Variants in APBA2 observed in about 807,000 individuals in gnomAD.
APBA2 encodes the protein amyloid beta precursor protein binding family A member 2, also known as amyloid-beta A4 precursor protein-binding family A member 2.
Under a neutral mutation model 75.0 loss-of-function variants are expected in APBA2, and 30 were observed. The observed-to-expected ratio is 0.40, with a 90% CI of 0.30 to 0.54. The LOEUF (loss-of-function observed/expected upper bound fraction) is 0.54, where lower values mean the gene tolerates loss of function less well. Among genes scored for constraint, APBA2 ranks in the 20% least tolerant of loss-of-function variants. The pLI, the probability that APBA2 is intolerant of heterozygous loss-of-function variation, is 0.49. For synonymous variants in APBA2, 444 were observed against 409.6 expected (o/e 1.08, Z -1.01); for missense variants, 801 against 1,016.1 (o/e 0.79, Z 2.88).
intron 3 of APBA2, among the ~76,000 whole-genome samples, chr15:29,033,537 G>T (rs1192196567): frequency 6.6e-6 from 1 of 152,052 alleles, no homozygotes; most frequent in African/African-American, 2.4e-5. Flanking sequence ...TTACCAGCTG[G>T]TCAGGGGTTC....
intron 1 of APBA2, among the ~76,000 whole-genome samples, chr15:28,920,191 C>T (rs574750606): frequency 1.3e-5 from 2 of 152,246 alleles, no homozygotes; most frequent in South Asian, 2.1e-4. Flanking sequence ...GTGTGATTTC[C>T]CCTAGAATTC....
At chr15:29,081,220 TA>T (rs1450180716) in intron 6 of APBA2, among the ~76,000 whole-genome samples, 3 of 152,140 alleles carry the variant, frequency 2.0e-5, no homozygotes, top group Non-Finnish European at 4.4e-5. Flanking sequence ...ATAAGACTCT[TA>T]AAGTGAAGAC....
chr15:29,042,684 C>A (rs1447439128), intron 3 of APBA2, among the ~76,000 whole-genome samples: 1 of 152,154 alleles, frequency 6.6e-6, no homozygotes, highest in Non-Finnish European at 1.5e-5. Flanking sequence ...CTACACAGTA[C>A]TGTATGCACT....
At chr15:28,967,796 C>T (rs903045942) in intron 2 of APBA2, among the ~76,000 whole-genome samples, 11 of 152,148 alleles carry the variant, frequency 7.2e-5, no homozygotes, top group Admixed American at 6.5e-4. Flanking sequence ...GCAAGAGATA[C>T]ATACAAATGT....
intron 3 of APBA2, among the ~76,000 whole-genome samples, chr15:29,035,936 C>T (rs2040724898): frequency 6.6e-6 from 1 of 151,928 alleles, no homozygotes. Context: ...CCAGCTGTCA[C>T]CCCGGAGCGC....
intron 1 of APBA2, among the ~76,000 whole-genome samples, chr15:28,901,822 T>C (rs2032871801): frequency 6.6e-6 from 1 of 151,948 alleles, no homozygotes; most frequent in South Asian, 2.1e-4. Context: ...TTCCAGTGTT[T>C]GCAGTGCCGA....
chr15:29,071,301 G>A (rs571558569), intron 4 of APBA2, among the ~76,000 whole-genome samples: 2 of 152,158 alleles, frequency 1.3e-5, no homozygotes, highest in East Asian at 3.9e-4. Context: ...TCTCTGTGCT[G>A]AACAGTTGCC....
chr15:28,958,202 A>AGCT (rs2036276518), intron 2 of APBA2, among the ~76,000 whole-genome samples: 2 of 152,244 alleles, frequency 1.3e-5, no homozygotes, highest in South Asian at 4.1e-4. Context: ...GGGACTTTCT[A>AGCT]TGCTGTCCTT....
At chr15:29,099,808 T>C (rs946656731) in intron 9 of APBA2, among the ~76,000 whole-genome samples, 2 of 152,220 alleles carry the variant, frequency 1.3e-5, no homozygotes, top group Admixed American at 6.5e-5. Flanking sequence ...CCCATCCTCA[T>C]GAGCTGTATA....
At chr15:29,072,098 G>A (rs527676848) in intron 4 of APBA2, among the ~76,000 whole-genome samples, 10 of 152,254 alleles carry the variant, frequency 6.6e-5, no homozygotes, top group South Asian at 6.2e-4. Flanking sequence ...AGAGTCTGTC[G>A]CCCTACATCT....
At chr15:29,050,007 C>A (rs1303898090) in intron 3 of APBA2, among the ~76,000 whole-genome samples, 1 of 152,058 alleles carries the variant, frequency 6.6e-6, no homozygotes, top group African/African-American at 2.4e-5. Context: ...TCGGAAAGGG[C>A]TCACCAAATG....
chr15:28,946,238 G>T (rs189801630), intron 2 of APBA2, among the ~76,000 whole-genome samples: 1 of 152,204 alleles, frequency 6.6e-6, no homozygotes. Flanking sequence ...TGACAGAAAG[G>T]ACTTTGCAGA....
chr15:29,104,916 C>T (rs538512314), intron 10 of APBA2, among the ~76,000 whole-genome samples: 3 of 152,230 alleles, frequency 2.0e-5, no homozygotes, highest in African/African-American at 7.2e-5. Flanking sequence ...AGACCCCTAT[C>T]TCTACAAGAA....
intron 3 of APBA2, among the ~76,000 whole-genome samples, chr15:29,048,069 C>T (rs1335997099): frequency 3.3e-5 from 5 of 151,994 alleles, no homozygotes; most frequent in African/African-American, 4.8e-5. Context: ...TTTCTGAGGC[C>T]GGGGCACGGT....
intron 1 of APBA2, among the ~76,000 whole-genome samples, chr15:28,896,663 C>T (rs2032511508): frequency 6.6e-6 from 1 of 152,130 alleles, no homozygotes; most frequent in South Asian, 2.1e-4. Flanking sequence ...GCCTGGCTCG[C>T]CTGTCATGGT....
intron 2 of APBA2, among the ~76,000 whole-genome samples, chr15:28,932,075 T>C (rs2034594490): frequency 6.6e-6 from 1 of 152,142 alleles, no homozygotes; most frequent in Non-Finnish European, 1.5e-5. Context: ...CACAGTTGCC[T>C]AGACCGACCT....
At chr15:28,938,742 C>G (rs1363198104) in intron 2 of APBA2, among the ~76,000 whole-genome samples, 2 of 152,190 alleles carry the variant, frequency 1.3e-5, no homozygotes, top group Non-Finnish European at 1.5e-5. Context: ...CTCCTGGCCT[C>G]AAGTGATCTG....
chr15:28,986,678 G>A (rs913056705), intron 2 of APBA2, among the ~76,000 whole-genome samples: 8 of 152,174 alleles, frequency 5.3e-5, no homozygotes, highest in African/African-American at 1.9e-4. Context: ...TGTTGGCCAG[G>A]CTGGTCTTGA....
chr15:29,036,231 A>AT (rs559576119), intron 3 of APBA2, among the ~76,000 whole-genome samples: 1 of 142,118 alleles, frequency 7.0e-6, no homozygotes, highest in East Asian at 2.0e-4. Flanking sequence ...ATATATATAT[A>AT]TTTTTTGTCT....
Sources: allele counts gnomAD v4.1 joint callset (sites outside exome capture counted in the v4.1 genomes callset), GRCh38; gene constraint gnomAD v4.1.1; transcripts MANE v1.5; gene names NCBI Gene and HGNC (gene_info 2026-07-23, HGNC 2026-07-21).